FLRT2: variants seen among roughly 807,000 people sequenced by gnomAD.
The protein encoded by FLRT2 is fibronectin leucine rich transmembrane protein 2.
FLRT2 carries 15 observed loss-of-function variants against 40.0 expected under a neutral mutation model. The observed-to-expected ratio is 0.38, with a 90% CI of 0.25 to 0.58. FLRT2 has a LOEUF of 0.58. FLRT2 is among the 20% of genes least tolerant of loss of function. The probability of loss-of-function intolerance (pLI) is 0.71; values close to 1 mark genes in which losing one functional copy is unlikely to be tolerated. For missense variants in FLRT2, 726 were observed against 840.0 expected (o/e 0.86, Z 1.68); for synonymous variants, 380 against 336.8 (o/e 1.13, Z -1.41).
At chr14:85,603,289 C>G (rs938458035) in intron 1 of FLRT2, among the ~76,000 whole-genome samples, 1 of 151,966 alleles carries the variant, frequency 6.6e-6, no homozygotes, top group South Asian at 2.1e-4. Context: ...GATAGAGGCC[C>G]CTTTGTGTCT....
At position 85,634,820 on chromosome 14, in the gene FLRT2, C is replaced by T. The variant is rs1274607652; in HGVS notation, c.*11323C>T. 1 of 152,146 alleles carries T rather than the reference C, an allele frequency of 6.6e-6. No individual in the cohort carries two copies. Among genetic ancestry groups the T allele is most frequent in the Non-Finnish European group, 1.5e-5 (1 of 68,034 alleles). 9.4% of individuals were successfully genotyped at this position (152,146 alleles called of 1,614,324 possible). ...GTGCAAAAAGTTGGGCTATATAACT[C>T]AAATCTCCTTTGTATCTTGGATAAG... On this transcript the variant is annotated 3_prime_UTR_variant, in exon 2 of 2. Transcript: ENST00000330753.
chr14:85,590,205 T>A (rs1891819208), intron 1 of FLRT2, among the ~76,000 whole-genome samples: 1 of 152,092 alleles, frequency 6.6e-6, no homozygotes, highest in Non-Finnish European at 1.5e-5. Context: ...CTATCAAAAA[T>A]GTCTCCAACG....
At position 85,644,425 on chromosome 14, in the gene FLRT2, A is replaced by G. The variant is rs1217003966; in HGVS notation, c.*20928A>G. 2 of 152,206 alleles carry G rather than the reference A, an allele frequency of 1.3e-5. No individual in the cohort carries two copies. Among genetic ancestry groups the G allele is most frequent in the East Asian group, 3.9e-4 (2 of 5,188 alleles). 9.4% of individuals were successfully genotyped at this position (152,206 alleles called of 1,614,324 possible). A position where few individuals can be genotyped will look rare whatever the true frequency, so the allele number is the denominator to read the frequency against. Reference sequence around the variant, plus strand: ...CTCAGGCCCTTGATTATCTTATCATACCAGAGGATGTCCCACAGGTCTACA... The same window carrying G: ...CTCAGGCCCTTGATTATCTTATCATGCCAGAGGATGTCCCACAGGTCTACA... On this transcript the variant is annotated 3_prime_UTR_variant, in exon 2 of 2. Coordinates refer to ENST00000330753, the MANE Select transcript of FLRT2 (RefSeq NM_013231.6).
chr14:85,542,256 G>C (rs1889024254), intron 1 of FLRT2, among the ~76,000 whole-genome samples: 1 of 151,932 alleles, frequency 6.6e-6, no homozygotes, highest in Non-Finnish European at 1.5e-5. Flanking sequence ...CAGATGTCCT[G>C]GTAAAAATAC....
chr14:85,565,085 C>G (rs10139055), intron 1 of FLRT2, among the ~76,000 whole-genome samples: 36,375 of 152,140 alleles, frequency 0.24, 5,519 homozygotes, highest in African/African-American at 0.42. Context: ...TATTTTAAAC[C>G]AGATTTCCAT....
chr14:85,574,947 C>T (rs1268510601), intron 1 of FLRT2, among the ~76,000 whole-genome samples: 1 of 152,192 alleles, frequency 6.6e-6, no homozygotes, highest in Non-Finnish European at 1.5e-5. Context: ...GAAACCAAGG[C>T]ATTGGCCATT....
intron 1 of FLRT2, among the ~76,000 whole-genome samples, chr14:85,577,039 A>G (rs1595045889): frequency 6.6e-6 from 1 of 152,356 alleles, no homozygotes; most frequent in East Asian, 1.9e-4. Context: ...AGCTATTGTT[A>G]AAAATAAAAT....
chr14:85,594,071 T>C (rs1353185594), intron 1 of FLRT2, among the ~76,000 whole-genome samples: 1 of 151,934 alleles, frequency 6.6e-6, no homozygotes, highest in Non-Finnish European at 1.5e-5. Context: ...ACAAAACATA[T>C]ATATATGTAT....
In FLRT2 at chr14:85,565,291, T is replaced by G. The variant is rs113622590; in HGVS notation, c.-377+34757T>G. 7.4e-3 allele frequency among the ~76,000 whole-genome samples: 1,131 copies of G among 152,322 alleles called. 13 individuals carry two copies. Among genetic ancestry groups the G allele is most frequent in the Middle Eastern group, 0.024 (7 of 294 alleles). On this transcript the variant is annotated intron_variant, in intron 1 of 1. Coordinates refer to ENST00000330753, the MANE Select transcript of FLRT2 (RefSeq NM_013231.6). ...ATTAATAACCTGAGTATGTATGCAG[T>G]CATCAAAATAGCTTTTGTCATAACA...
intron 1 of FLRT2, among the ~76,000 whole-genome samples, chr14:85,543,250 A>C (rs1594993444): frequency 6.6e-6 from 1 of 152,136 alleles, no homozygotes; most frequent in East Asian, 1.9e-4. Flanking sequence ...TCACTGAGCT[A>C]GATAGTTTTT....
chr14:85,623,326 A>T lies in FLRT2; in HGVS notation c.1812A>T (p.Glu604Asp). ...KKDNSILEMT[E>D]TSFQIVSLNN... The stretch of plus-strand genomic sequence containing the variant: ...ACAACTCCATCCTGGAGATGACAGA[A>T]ACCAGTTTTCAGATCGTCTCCTTAA... Residue 604 changes from glutamate to aspartate, a missense_variant, in exon 2 of 2, where the codon GAA becomes GAT. Glu to Asp is a conservative substitution (Grantham distance 45). Transcript: ENST00000330753. The T allele has an allele frequency of 6.6e-7, 1 of 1,516,592 alleles. No homozygotes were observed. The highest frequency in any genetic ancestry group is 1.3e-5 in the South Asian group (1 of 74,644). 93.9% of individuals were successfully genotyped at this position (1,516,592 alleles called of 1,614,324 possible).
Position 85,602,877 on chromosome 14 carries a change from C to T in FLRT2, c.-376-18262C>T, listed in dbSNP as rs1892439840. Among the ~76,000 whole-genome samples, 4 of 152,146 alleles carry T rather than the reference C, an allele frequency of 2.6e-5. No individual in the cohort carries two copies. In the South Asian group the frequency reaches 8.3e-4, roughly 32 times the overall value. On this transcript the variant is annotated intron_variant, in intron 1 of 1. Coordinates refer to ENST00000330753, the MANE Select transcript of FLRT2 (RefSeq NM_013231.6). ...TACTATAACCCCAGAATAATGATTA[C>T]CTCTGTTTTAGGGTTTCGGGTTTTT... is the stretch of plus-strand genomic sequence containing the variant.
chr14:85,593,510 T>A (rs1271441419), intron 1 of FLRT2, among the ~76,000 whole-genome samples: 1 of 152,058 alleles, frequency 6.6e-6, no homozygotes, highest in Non-Finnish European at 1.5e-5. Context: ...AATCTGTGAG[T>A]GCCAGTAGGG....
At chr14:85,582,734 A>G (rs1027609941) in intron 1 of FLRT2, among the ~76,000 whole-genome samples, 2 of 152,044 alleles carry the variant, frequency 1.3e-5, no homozygotes, top group African/African-American at 4.8e-5. Context: ...TATCTTATGG[A>G]CTAATATAGT....
At chr14:85,604,660 A>AT (rs200506541) in intron 1 of FLRT2, among the ~76,000 whole-genome samples, 51 of 151,702 alleles carry the variant, frequency 3.4e-4, no homozygotes, top group Admixed American at 1.2e-3. Flanking sequence ...AACTGAGAAG[A>AT]TTTTTTTTTG....
chr14:85,560,052 A>G (rs892231467), intron 1 of FLRT2, among the ~76,000 whole-genome samples: 1 of 152,060 alleles, frequency 6.6e-6, no homozygotes, highest in Non-Finnish European at 1.5e-5. Flanking sequence ...CTGTACTTCA[A>G]AGTGTTTCTG....
chr14:85,545,089 C>T (rs1026409549), intron 1 of FLRT2, among the ~76,000 whole-genome samples: 4 of 152,090 alleles, frequency 2.6e-5, no homozygotes, highest in African/African-American at 7.2e-5. Context: ...CTTATAACAC[C>T]ACCCCAGATC....
At chr14:85,556,817 G>C (rs1889989113) in intron 1 of FLRT2, among the ~76,000 whole-genome samples, 1 of 152,140 alleles carries the variant, frequency 6.6e-6, no homozygotes, top group South Asian at 2.1e-4. Context: ...TGTACCTTTT[G>C]TGATATTAGT....
chr14:85,620,948 A>T (rs1001019643), intron 1 of FLRT2, among the ~76,000 whole-genome samples, 191 bp from the exon 2 acceptor site: 1 of 152,218 alleles, frequency 6.6e-6, no homozygotes, highest in African/African-American at 2.4e-5. Flanking sequence ...CCTTTTGAAG[A>T]TACTATATTA....
Sources: allele counts gnomAD v4.1 joint callset (sites outside exome capture counted in the v4.1 genomes callset), GRCh38; gene constraint gnomAD v4.1.1; transcripts MANE v1.5; gene names NCBI Gene and HGNC (gene_info 2026-07-23, HGNC 2026-07-21).